ZFYVE26: variants seen among roughly 807,000 people sequenced by gnomAD.
The protein encoded by ZFYVE26 is zinc finger FYVE-type containing 26, also known as zinc finger FYVE domain-containing protein 26.
A neutral mutation model predicts 276.5 loss-of-function variants in ZFYVE26; 181 were observed. The observed-to-expected ratio is 0.65, with a 90% CI of 0.58 to 0.74. ZFYVE26 has a LOEUF of 0.74. ZFYVE26 is among the 30% of genes least tolerant of loss of function. The pLI is 0.00. For missense variants in ZFYVE26, 2,821 were observed against 3,097.9 expected, an observed-to-expected ratio of 0.91 and a Z score of 2.12; for synonymous variants, 1,129 against 1,203.1, an observed-to-expected ratio of 0.94 and a Z score of 1.27.
chr14:67,775,190 C>A (rs1464205528), intron 26 of ZFYVE26, 76 bp from the exon 27 acceptor site: 1 of 1,017,718 alleles, frequency 9.8e-7, no homozygotes, highest in East Asian at 2.6e-5. Flanking sequence ...GCATTTAGAA[C>A]AAAGCTCTGT....
intron 10 of ZFYVE26, 140 bp downstream of exon 10, chr14:67,801,939 T>C (rs1594933615): frequency 1.1e-6 from 1 of 891,578 alleles, no homozygotes; most frequent in Non-Finnish European, 1.8e-6. Context: ...GGCTGACAGA[T>C]GGATGAAACT....
chr14:67,766,733 T>G (rs2039069654), intron 31 of ZFYVE26, among the ~76,000 whole-genome samples: 1 of 152,208 alleles, frequency 6.6e-6, no homozygotes, highest in South Asian at 2.1e-4. Flanking sequence ...AGGGTCTCAC[T>G]CTGTTGCCCA....
intron 12 of ZFYVE26, 118 bp from the exon 13 acceptor site, chr14:67,794,357 T>G: frequency 1.0e-6 from 1 of 987,458 alleles, no homozygotes; most frequent in Non-Finnish European, 1.6e-6. Context: ...AATGAATAAC[T>G]ATGACACCTG....
Position 67,781,468 on chromosome 14 carries a change from G to A in ZFYVE26, c.4434C>T (p.Ala1478=). The stretch of plus-strand genomic sequence containing the variant: ...GGGGCCACCTGTCCACAAACTGTAG[G>A]GCCAGCCGACTTCTCAGAGATGCAT... ...VKDASLRSRL[A]LQFVDRWPLE... is the part of the protein sequence containing the mutation. Residue 1478 remains alanine, a synonymous_variant, in exon 22 of 42, where the codon GCC becomes GCT. Transcript: ENST00000347230. The A allele has an allele frequency of 6.2e-7, 1 of 1,614,138 alleles. No individual in the cohort carries two copies. The highest frequency in any genetic ancestry group is 1.1e-5 in the South Asian group (1 of 91,076).
chr14:67,786,161 C>G lies in ZFYVE26; in HGVS notation c.3092G>C (p.Ser1031Thr). 1.9e-6 allele frequency: 3 copies of G among 1,609,926 alleles called. No homozygotes were observed. Among genetic ancestry groups the G allele is most frequent in the Non-Finnish European group, 2.5e-6 (3 of 1,179,064 alleles). ...RGFPVVLQQI[S>T]KSLNYLLMSA... Reference sequence around the variant, plus strand: ...CATAAGCAGATAATTGAGACTCTTACTGATTTGCTGAAGAACAACTGGAAA... The same window carrying G: ...CATAAGCAGATAATTGAGACTCTTAGTGATTTGCTGAAGAACAACTGGAAA... Residue 1031 changes from serine to threonine, a missense_variant, in exon 17 of 42, where the codon AGT (serine) becomes ACT (threonine). Coordinates refer to ENST00000347230, the MANE Select transcript of ZFYVE26 (RefSeq NM_015346.4).
rs1431323510 is a variant in ZFYVE26 at position 67,772,084 on chromosome 14, C to T, written c.5447G>A (p.Ser1816Asn). Residue 1816 changes from serine (S) to asparagine (N), a missense_variant, in exon 28 of 42, where the codon AGT (serine) becomes AAT (asparagine). Physicochemically the swap from Ser to Asn is conservative, Grantham distance 46. Coordinates refer to ENST00000347230, the MANE Select transcript of ZFYVE26 (RefSeq NM_015346.4). Reference protein sequence around the residue: ...RHQWVPDETESICMVCCREHF... With the variant: ...RHQWVPDETENICMVCCREHF... Reference sequence around the variant, plus strand: ...CTCCCTGCAGCAGACCATGCAGATACTCTCAGTCTCATCCGGTACCCACTG... The same window carrying T: ...CTCCCTGCAGCAGACCATGCAGATATTCTCAGTCTCATCCGGTACCCACTG... 6.2e-7 allele frequency: 1 copy of T among 1,612,112 alleles called. No individual in the cohort carries two copies. Among genetic ancestry groups the T allele is most frequent in the East Asian group, 2.2e-5 (1 of 44,868 alleles).
intron 13 of ZFYVE26, among the ~76,000 whole-genome samples, 187 bp from the exon 14 acceptor site, chr14:67,793,946 A>G (rs1489258788): frequency 6.6e-6 from 1 of 152,216 alleles, no homozygotes; most frequent in Non-Finnish European, 1.5e-5. Context: ...GAAGATGCTA[A>G]GTGCCAACTA....
Position 67,778,397 on chromosome 14 carries a change from T to A in ZFYVE26, c.4675-149A>T, listed in dbSNP as rs543556991. ...ATGATTGAAGCAGGCTTACTGTTCA[T>A]ATCACTTTCCTCTTAGCACTACCAT... is the stretch of plus-strand genomic sequence containing the variant. On this transcript the variant is annotated intron_variant, in intron 23 of 41. Coordinates refer to ENST00000347230, the MANE Select transcript of ZFYVE26 (RefSeq NM_015346.4). The A allele has an allele frequency of 1.1e-5, 11 of 1,023,530 alleles. No homozygotes were observed. The African/African-American group carries it at 1.6e-4, about 15-fold the overall frequency. The allele number at this position is 1,023,530 out of a possible 1,614,324, so 63.4% of individuals were successfully genotyped here.
Position 67,772,094 on chromosome 14 carries a change from C to T in ZFYVE26, c.5437G>A (p.Glu1813Lys), listed in dbSNP as rs1212890875. Residue 1813 changes from glutamate (E) to lysine (K), a missense_variant, in exon 28 of 42, where the codon GAG becomes AAG. By Grantham distance (56) the Glu-to-Lys change is moderately conservative. Coordinates refer to ENST00000347230, the MANE Select transcript of ZFYVE26 (RefSeq NM_015346.4). ...CAGACCATGCAGATACTCTCAGTCT[C>T]ATCCGGTACCCACTGGTGCCTGGCA... ...PPARHQWVPD[E>K]TESICMVCCR... 1 of 1,612,450 alleles carries T rather than the reference C, an allele frequency of 6.2e-7. No individual in the cohort carries two copies. Among genetic ancestry groups the T allele is most frequent in the Non-Finnish European group, 8.5e-7 (1 of 1,179,610 alleles).
intron 6 of ZFYVE26, 145 bp downstream of exon 6, chr14:67,806,400 G>T: frequency 1.1e-6 from 1 of 950,034 alleles, no homozygotes; most frequent in Non-Finnish European, 1.6e-6. Flanking sequence ...CTTTCCCATG[G>T]GACTGTGGGA....
At chr14:67,754,955 G>T in intron 37 of ZFYVE26, 96 bp downstream of exon 37, 1 of 1,394,448 alleles carries the variant, frequency 7.2e-7, no homozygotes, top group Non-Finnish European at 1.0e-6. Context: ...TTTTTTTTCA[G>T]GATTCAAGGA....
At chr14:67,767,518 T>G (rs2039090204) in intron 31 of ZFYVE26, among the ~76,000 whole-genome samples, 186 bp downstream of exon 31, 1 of 152,028 alleles carries the variant, frequency 6.6e-6, no homozygotes, top group Non-Finnish European at 1.5e-5. Context: ...GCTTTCCTGG[T>G]CTCCCCTTCT....
At chr14:67,815,596 T>G (rs2040385270) in intron 2 of ZFYVE26, 174 bp downstream of exon 2, 1 of 683,986 alleles carries the variant, frequency 1.5e-6, no homozygotes, top group African/African-American at 1.8e-5. Flanking sequence ...AAGCCAATAT[T>G]GACTAAGTAA....
In ZFYVE26 at chr14:67,748,259, C is replaced by T. The variant is rs2038537604; in HGVS notation, c.*177G>A. The T allele has an allele frequency of 9.0e-6, 6 of 665,770 alleles. No individual in the cohort carries two copies. In the South Asian group the frequency reaches 9.6e-5, roughly 11 times the overall value. The allele number at this position is 665,770 out of a possible 1,614,324, so 41.2% of individuals were successfully genotyped here. On this transcript the variant is annotated 3_prime_UTR_variant, in exon 42 of 42. Transcript: ENST00000347230. Reference sequence around the variant, plus strand: ...TCCACAATTTTAGAGAAACATGGCACTTGCGTGAAAGGTCCTATCCTTGCC... The same window carrying T: ...TCCACAATTTTAGAGAAACATGGCATTTGCGTGAAAGGTCCTATCCTTGCC...
chr14:67,773,835 A>G (rs2039274434), intron 27 of ZFYVE26, among the ~76,000 whole-genome samples: 1 of 152,226 alleles, frequency 6.6e-6, no homozygotes, highest in Non-Finnish European at 1.5e-5. Flanking sequence ...AGCACTCAGA[A>G]GAAGAGACCT....
At position 67,762,769 on chromosome 14, in the gene ZFYVE26, C is replaced by T. The variant is rs367758946; in HGVS notation, c.6062G>A (p.Arg2021His). 47 of 1,614,054 alleles carry T rather than the reference C, an allele frequency of 2.9e-5. No individual in the cohort carries two copies. Among genetic ancestry groups the T allele is most frequent in the South Asian group, 1.4e-4 (13 of 91,094 alleles). Reference sequence around the variant, plus strand: ...GATCTGATCCAAAGATGGCACGTGGCGATAGGCAGCAGCAACTAAAATATT... The same window carrying T: ...GATCTGATCCAAAGATGGCACGTGGTGATAGGCAGCAGCAACTAAAATATT... Reference protein sequence around the residue: ...VLNILVAAAYRHVPSLDQILQ... With the variant: ...VLNILVAAAYHHVPSLDQILQ... The change falls in exon 33 of 42, where the codon CGC becomes CAC. Residue 2021 changes from arginine to histidine, a missense_variant. Transcript: ENST00000347230.
chr14:67,799,512 A>C, intron 10 of ZFYVE26: 2 of 1,597,760 alleles, frequency 1.3e-6, no homozygotes, highest in Non-Finnish European at 1.7e-6. Flanking sequence ...GATCGGCAAA[A>C]GGAAATGGAC....
chr14:67,814,087 C>A, intron 2 of ZFYVE26, 23 bp from the exon 3 acceptor site: 1 of 1,591,642 alleles, frequency 6.3e-7, no homozygotes, highest in East Asian at 2.2e-5. Flanking sequence ...AAAAGAAAGA[C>A]TTGTAAAAAA....
intron 41 of ZFYVE26, among the ~76,000 whole-genome samples, 183 bp from the exon 42 acceptor site, chr14:67,748,822 C>T (rs993568436): frequency 2.6e-5 from 4 of 152,168 alleles, no homozygotes; most frequent in African/African-American, 9.7e-5. Flanking sequence ...TGCTATAACA[C>T]TGTGTTATTT....
Sources: gnomAD v4.1 joint callset for allele counts (sites outside exome capture counted in the v4.1 genomes callset) on GRCh38, gnomAD v4.1.1 for gene constraint, MANE v1.5 for transcripts, NCBI Gene and HGNC (gene_info 2026-07-23, HGNC 2026-07-21) for gene names.